The following TRABD2B variants were observed in gnomAD, a reference collection of about 807,000 sequenced individuals.
The protein encoded by TRABD2B is TraB domain containing 2B.
Under a neutral mutation model 40.1 loss-of-function variants are expected in TRABD2B, and 14 were observed. The observed-to-expected ratio is 0.35, with a 90% CI of 0.23 to 0.55. The LOEUF (loss-of-function observed/expected upper bound fraction) is 0.55. Ranked by LOEUF, TRABD2B falls within the 20% of genes least tolerant of loss-of-function variation. TRABD2B has a pLI of 0.90. For missense variants in TRABD2B, 541 were observed against 648.6 expected (o/e 0.83, Z 1.80); for synonymous variants, 263 against 277.0 (o/e 0.95, Z 0.50).
chr1:47,780,444 G>A (rs1455395387), intron 4 of TRABD2B, among the ~76,000 whole-genome samples: 1 of 152,130 alleles, frequency 6.6e-6, no homozygotes, highest in Non-Finnish European at 1.5e-5. Context: ...ACACTGCCTA[G>A]GTGCATATCT....
At chr1:47,846,894 A>ACACACACACACACACACACACG (rs1439715341) in intron 2 of TRABD2B, among the ~76,000 whole-genome samples, 1,695 of 145,630 alleles carry the variant, frequency 0.012, 42 homozygotes, top group East Asian at 0.027. Flanking sequence ...ACACACACAC[A>ACACACACACACACACACACACG]CAAATGAGGG....
intron 2 of TRABD2B, among the ~76,000 whole-genome samples, chr1:47,870,988 A>G (rs541799818): frequency 6.6e-6 from 1 of 152,308 alleles, no homozygotes. Flanking sequence ...GTTAGAGCAT[A>G]CAGCATAAAA....
intron 2 of TRABD2B, among the ~76,000 whole-genome samples, chr1:47,899,320 T>C (rs138344839): frequency 6.7e-4 from 102 of 152,354 alleles, no homozygotes; most frequent in Admixed American, 5.7e-3. Context: ...AAGGTGCTCA[T>C]GCACACCTGG....
chr1:47,930,492 G>A (rs1484660094), intron 2 of TRABD2B, among the ~76,000 whole-genome samples: 1 of 152,080 alleles, frequency 6.6e-6, no homozygotes, highest in Admixed American at 6.6e-5. Flanking sequence ...CTACGAGTCC[G>A]CGATAGTAAA....
intron 2 of TRABD2B, among the ~76,000 whole-genome samples, chr1:47,889,367 T>G (rs1383645599): frequency 6.6e-6 from 1 of 152,190 alleles, no homozygotes; most frequent in Non-Finnish European, 1.5e-5. Context: ...ATTTCTCACC[T>G]CTCAGGGTTT....
intron 2 of TRABD2B, among the ~76,000 whole-genome samples, chr1:47,917,784 C>T (rs990789350): frequency 6.6e-6 from 1 of 152,116 alleles, no homozygotes; most frequent in African/African-American, 2.4e-5. Context: ...TTCTCACCTC[C>T]CTCTTGTCTT....
chr1:47,766,710 C>A (rs4927045), intron 6 of TRABD2B, among the ~76,000 whole-genome samples: 1 of 151,892 alleles, frequency 6.6e-6, no homozygotes, highest in South Asian at 2.1e-4. Flanking sequence ...TGGTGGCTGG[C>A]GGGGAGGCTA....
chr1:47,849,018 C>T (rs753612738), intron 2 of TRABD2B, among the ~76,000 whole-genome samples: 3 of 152,300 alleles, frequency 2.0e-5, no homozygotes, highest in Non-Finnish European at 4.4e-5. Flanking sequence ...TGCACATTGC[C>T]TGATGTGAGC....
At chr1:47,990,787 A>C (rs1407911431) in intron 2 of TRABD2B, among the ~76,000 whole-genome samples, 7 of 18,376 alleles carry the variant, frequency 3.8e-4, no homozygotes, top group African/African-American at 1.2e-3. Context: ...ATATATATAT[A>C]TATATATATA....
intron 2 of TRABD2B, among the ~76,000 whole-genome samples, chr1:47,820,890 A>G (rs531216017): frequency 2.0e-5 from 3 of 152,212 alleles, no homozygotes; most frequent in Admixed American, 6.5e-5. Flanking sequence ...TAATAAGACT[A>G]CGGCTCAGAG....
At chr1:47,970,495 C>G (rs1258669549) in intron 2 of TRABD2B, among the ~76,000 whole-genome samples, 1 of 152,004 alleles carries the variant, frequency 6.6e-6, no homozygotes, top group Non-Finnish European at 1.5e-5. Context: ...TTTCATCTCC[C>G]ATCCCTCATT....
At chr1:47,768,144 G>A (rs1016521469) in intron 6 of TRABD2B, among the ~76,000 whole-genome samples, 10 of 152,162 alleles carry the variant, frequency 6.6e-5, no homozygotes, top group African/African-American at 1.9e-4. Flanking sequence ...ACTTTCTTCC[G>A]GTGATGCTCT....
chr1:47,862,993 G>C (rs1643996712), intron 2 of TRABD2B, among the ~76,000 whole-genome samples: 1 of 152,086 alleles, frequency 6.6e-6, no homozygotes, highest in Admixed American at 6.6e-5. Context: ...AATAGTGCTT[G>C]AACAAATGGT....
intron 6 of TRABD2B, among the ~76,000 whole-genome samples, chr1:47,769,444 C>T (rs1423416420): frequency 2.0e-5 from 3 of 152,210 alleles, no homozygotes; most frequent in East Asian, 1.9e-4. Context: ...TGAAAACTCC[C>T]GCTTGGAGCC....
At chr1:47,986,823 G>A (rs1219078731) in intron 2 of TRABD2B, among the ~76,000 whole-genome samples, 2 of 152,240 alleles carry the variant, frequency 1.3e-5, no homozygotes, top group Non-Finnish European at 2.9e-5. Context: ...AAAAGCCTGT[G>A]GATCCTGGAG....
intron 2 of TRABD2B, among the ~76,000 whole-genome samples, chr1:47,812,213 C>T (rs1644974632): frequency 3.9e-5 from 6 of 152,216 alleles, no homozygotes; most frequent in Admixed American, 3.9e-4. Context: ...TGGAAAGTCC[C>T]AGAGAATCAC....
chr1:47,767,702 G>A (rs368062592), intron 6 of TRABD2B, among the ~76,000 whole-genome samples: 1 of 152,352 alleles, frequency 6.6e-6, no homozygotes, highest in East Asian at 1.9e-4. Flanking sequence ...CCAGCCTAGA[G>A]GGTAGGCTGT....
intron 2 of TRABD2B, among the ~76,000 whole-genome samples, chr1:47,942,391 G>C (rs1298249648): frequency 6.6e-6 from 1 of 152,158 alleles, no homozygotes; most frequent in Non-Finnish European, 1.5e-5. Flanking sequence ...GGACGATCAG[G>C]GGAGGCAGTG....
At position 47,765,996 on chromosome 1, in the gene TRABD2B, G is replaced by GTA; in HGVS notation, c.1459_1460insTA (p.Pro487LeufsTer75). 1.4e-6 allele frequency: 1 copy of GTA among 699,376 alleles called. No individual in the cohort carries two copies. Among genetic ancestry groups the GTA allele is most frequent in the East Asian group, 2.7e-5 (1 of 37,246 alleles). 43.3% of individuals were successfully genotyped at this position (699,376 alleles called of 1,614,324 possible). On this transcript the variant is annotated frameshift_variant, in exon 7 of 7. Coordinates refer to ENST00000606738, the MANE Select transcript of TRABD2B (RefSeq NM_001194986.2). LOFTEE classifies it low-confidence loss of function (END_TRUNC). ...CAGGGTGGGTGCCGAGCTGCTGGCG[G>GTA]GCCCTGGCGGGTCCTGCTGTTGTAG...
Sources: gnomAD v4.1 joint callset for allele counts (sites outside exome capture counted in the v4.1 genomes callset) on GRCh38, gnomAD v4.1.1 for gene constraint, MANE v1.5 for transcripts, NCBI Gene and HGNC (gene_info 2026-07-23, HGNC 2026-07-21) for gene names.